The following ANKRD11 variants were observed in gnomAD, a reference collection of about 807,000 sequenced individuals.
ANKRD11 encodes the protein ankyrin repeat domain-containing protein 11.
Under a neutral mutation model 195.7 loss-of-function variants are expected in ANKRD11, and 17 were observed. That is an observed-to-expected ratio of 0.09 (90% confidence interval 0.06 to 0.13). The LOEUF is 0.13. Ranked by LOEUF, ANKRD11 falls within the 10% of genes least tolerant of loss-of-function variation. The pLI is 1.00. For synonymous variants in ANKRD11, 1,953 were observed against 1,528.1 expected (o/e 1.28, Z -6.49); for missense variants, 3,735 against 3,566.1 (o/e 1.05, Z -1.21).
chr16:89,270,535 CAGG>C (rs2033052573), intron 12 of ANKRD11: 3 of 487,156 alleles, frequency 6.2e-6, no homozygotes, highest in African/African-American at 5.9e-5. Flanking sequence ...AGGGCAGTCC[CAGG>C]AGTTCTGACC....
chr16:89,293,473 G>T (rs1269724329), intron 4 of ANKRD11, among the ~76,000 whole-genome samples: 1 of 148,046 alleles, frequency 6.8e-6, no homozygotes, highest in African/African-American at 2.5e-5. Flanking sequence ...CAGAGTTGTG[G>T]CTGCGGAGGG....
intron 4 of ANKRD11, among the ~76,000 whole-genome samples, chr16:89,298,640 G>C (rs549061747): frequency 5.9e-5 from 9 of 152,318 alleles, no homozygotes; most frequent in African/African-American, 2.2e-4. Context: ...TGGTCTTGTG[G>C]ACCCCAGCTT....
chr16:89,310,338 C>A (rs572940077), intron 3 of ANKRD11, among the ~76,000 whole-genome samples: 1 of 152,352 alleles, frequency 6.6e-6, no homozygotes, highest in East Asian at 1.9e-4. Flanking sequence ...CTACCTCATG[C>A]CTGTAGCTTT....
chr16:89,385,085 C>A (rs1314721320), intron 2 of ANKRD11, among the ~76,000 whole-genome samples: 1 of 151,874 alleles, frequency 6.6e-6, no homozygotes, highest in Non-Finnish European at 1.5e-5. Context: ...GATATTTCAC[C>A]ATGTTGGCCA....
intron 1 of ANKRD11, among the ~76,000 whole-genome samples, chr16:89,432,360 C>A (rs1302960719): frequency 6.6e-6 from 1 of 152,054 alleles, no homozygotes. Context: ...GGCTGGCAGC[C>A]GCTGTTTGTG....
At chr16:89,418,554 T>C (rs1278973268) in intron 1 of ANKRD11, 186 bp from the exon 2 acceptor site, 1 of 231,714 alleles carries the variant, frequency 4.3e-6, no homozygotes, top group African/African-American at 2.3e-5. Flanking sequence ...CAAATACCTT[T>C]ACGTCACAAT....
intron 2 of ANKRD11, among the ~76,000 whole-genome samples, chr16:89,395,034 T>C (rs943566429): frequency 6.6e-6 from 1 of 152,170 alleles, no homozygotes; most frequent in Non-Finnish European, 1.5e-5. Context: ...GCAATCCAGA[T>C]CATCTTAAAA....
chr16:89,364,956 A>G (rs1435434376), intron 2 of ANKRD11, among the ~76,000 whole-genome samples: 1 of 152,224 alleles, frequency 6.6e-6, no homozygotes, highest in East Asian at 1.9e-4. Flanking sequence ...GAACAACACT[A>G]TGTTAATTTT....
At chr16:89,305,756 C>T (rs1282436148) in intron 3 of ANKRD11, among the ~76,000 whole-genome samples, 4 of 134,994 alleles carry the variant, frequency 3.0e-5, no homozygotes, top group East Asian at 2.3e-4. Flanking sequence ...CCTCCCACTC[C>T]GCAGACACGC....
chr16:89,446,902 C>T (rs529232014), intron 1 of ANKRD11, among the ~76,000 whole-genome samples: 2 of 152,204 alleles, frequency 1.3e-5, no homozygotes, highest in South Asian at 2.1e-4. Context: ...CTGCCACACA[C>T]CCTCTGTCCC....
intron 2 of ANKRD11, among the ~76,000 whole-genome samples, chr16:89,337,429 C>CTTT (rs1165680827): frequency 0.021 from 1,090 of 53,092 alleles, 354 homozygotes; most frequent in African/African-American, 0.077. Flanking sequence ...CTAAGCAATT[C>CTTT]TTTTTTTTTT....
intron 2 of ANKRD11, among the ~76,000 whole-genome samples, chr16:89,409,494 G>C (rs1008360249): frequency 2.6e-5 from 4 of 152,314 alleles, no homozygotes; most frequent in Admixed American, 2.6e-4. Context: ...GTGTGAGGGA[G>C]ATGAGCAAGA....
intron 2 of ANKRD11, among the ~76,000 whole-genome samples, chr16:89,340,399 T>G (rs906476955): frequency 1.3e-5 from 2 of 152,232 alleles, no homozygotes; most frequent in African/African-American, 4.8e-5. Flanking sequence ...TGCAGCCCCC[T>G]GAGTAGCTGA....
In ANKRD11 at chr16:89,418,582, T is replaced by G. The variant is rs1597346643; in HGVS notation, c.-144-214A>C. On this transcript the variant is annotated intron_variant, in intron 1 of 12. Coordinates refer to ENST00000301030, the MANE Select transcript of ANKRD11 (RefSeq NM_013275.6). ...GTCACAATGCAGCAATTGCAACAAC[T>G]TAAAGGTAAATCCAAAGTCCAGCAC... 20 of 205,950 alleles carry G rather than the reference T, an allele frequency of 9.7e-5. 1 individual carries two copies. The South Asian group carries it at 1.4e-3, about 14-fold the overall frequency. 12.8% of individuals were successfully genotyped at this position (205,950 alleles called of 1,614,324 possible).
intron 1 of ANKRD11, among the ~76,000 whole-genome samples, chr16:89,489,684 C>A (rs1042480448): frequency 2.0e-5 from 3 of 151,684 alleles, no homozygotes; most frequent in Non-Finnish European, 4.4e-5. Context: ...CGGCCAGCGC[C>A]CCCTGGCAGC....
intron 1 of ANKRD11, among the ~76,000 whole-genome samples, chr16:89,484,561 TG>T (rs2057544343): frequency 6.6e-6 from 1 of 152,126 alleles, no homozygotes; most frequent in Non-Finnish European, 1.5e-5. Context: ...ATCCTAAGTC[TG>T]AAAAGAGCCA....
chr16:89,430,596 C>T (rs2042936519), intron 1 of ANKRD11, among the ~76,000 whole-genome samples: 1 of 152,250 alleles, frequency 6.6e-6, no homozygotes. Flanking sequence ...TAGTACACAG[C>T]AGGTGCGCTG....
In ANKRD11 at chr16:89,285,204, C is replaced by T; in HGVS notation, c.1338G>A (p.Lys446=). 6.2e-7 allele frequency: 1 copy of T among 1,613,734 alleles called. No homozygotes were observed. Among genetic ancestry groups the T allele is most frequent in the South Asian group, 1.1e-5 (1 of 91,078 alleles). ...TCACTTTATTTTTTTCCTTCTGCTG[C>T]TTGGCATTAGAAGGCTCTCGTGTCT... ...GSKTREPSNA[K]QQKEKNKVKK... Residue 446 remains lysine, a synonymous_variant, in exon 9 of 13, where the codon AAG becomes AAA. Transcript: ENST00000301030. This position sits in a 1 kb window ranked among gnomAD's most constrained non-coding sequence, Gnocchi z 5.6.
intron 2 of ANKRD11, among the ~76,000 whole-genome samples, chr16:89,353,214 C>T (rs951155912): frequency 2.6e-5 from 4 of 151,886 alleles, no homozygotes; most frequent in Non-Finnish European, 4.4e-5. Context: ...TGGTGGCAGA[C>T]GCCTATAATC....
Sources: gnomAD v4.1 joint callset for allele counts (sites outside exome capture counted in the v4.1 genomes callset) on GRCh38, gnomAD v4.1.1 for gene constraint, Gnocchi (gnomAD v3.1) non-coding constraint, MANE v1.5 for transcripts, NCBI Gene and HGNC (gene_info 2026-07-23, HGNC 2026-07-21) for gene names.